TRAPPC9: variants seen among roughly 807,000 people sequenced by gnomAD.
TRAPPC9 encodes IKK2 binding protein.
A neutral mutation model predicts 124.0 loss-of-function variants in TRAPPC9; 83 were observed. The ratio of observed to expected loss-of-function variants is 0.67; its 90% CI spans 0.56 to 0.80. The LOEUF is 0.80. Among genes scored for constraint, TRAPPC9 ranks in the 30% least tolerant of loss-of-function variants. TRAPPC9 has a pLI of 0.00. For missense variants in TRAPPC9, 1,302 were observed against 1,508.3 expected, an observed-to-expected ratio of 0.86 and a Z score of 2.27; for synonymous variants, 638 against 617.5, an observed-to-expected ratio of 1.03 and a Z score of -0.49.
At chr8:140,437,789 T>C (rs904390588) in intron 3 of TRAPPC9, among the ~76,000 whole-genome samples, 3 of 152,118 alleles carry the variant, frequency 2.0e-5, no homozygotes, top group African/African-American at 7.2e-5. Flanking sequence ...TTTTAGTCCT[T>C]ACCCACACAA....
At chr8:139,792,917 G>C (rs1349982379) in intron 21 of TRAPPC9, among the ~76,000 whole-genome samples, 1 of 152,252 alleles carries the variant, frequency 6.6e-6, no homozygotes, top group Non-Finnish European at 1.5e-5. Flanking sequence ...GCCATCTTCT[G>C]TCAAGGGACG....
chr8:140,264,289 C>T (rs1046186930), intron 15 of TRAPPC9, among the ~76,000 whole-genome samples: 2 of 152,150 alleles, frequency 1.3e-5, no homozygotes, highest in African/African-American at 4.8e-5. Flanking sequence ...TCAGCGCTGC[C>T]TGTGGCCTCC....
intron 19 of TRAPPC9, among the ~76,000 whole-genome samples, chr8:139,940,105 T>C (rs1452860548): frequency 6.6e-6 from 1 of 152,260 alleles, no homozygotes; most frequent in African/African-American, 2.4e-5. Flanking sequence ...TCCCGTCGTT[T>C]GGTTGGAACA....
intron 11 of TRAPPC9, among the ~76,000 whole-genome samples, chr8:140,294,458 A>T (rs913780071): frequency 2.6e-5 from 4 of 152,216 alleles, no homozygotes; most frequent in Non-Finnish European, 5.9e-5. Flanking sequence ...GGCTTGCCCT[A>T]TCATGGTCAT....
intron 21 of TRAPPC9, among the ~76,000 whole-genome samples, chr8:139,874,554 G>T (rs1432036959): frequency 6.6e-6 from 1 of 152,230 alleles, no homozygotes; most frequent in Non-Finnish European, 1.5e-5. Flanking sequence ...ACAAGAACCT[G>T]AGTTAGAAGG....
intron 13 of TRAPPC9, among the ~76,000 whole-genome samples, chr8:140,285,132 T>A (rs561407326): frequency 6.6e-6 from 1 of 152,332 alleles, no homozygotes; most frequent in African/African-American, 2.4e-5. Context: ...GTCAGTCCTT[T>A]TGACCTTGTT....
intron 17 of TRAPPC9, chr8:140,098,719 G>A (rs74524750): frequency 6.6e-6 from 1 of 151,654 alleles, no homozygotes; most frequent in Non-Finnish European, 1.5e-5. Context: ...CGTCCGCAGA[G>A]GACGACACCA....
intron 21 of TRAPPC9, among the ~76,000 whole-genome samples, chr8:139,772,161 C>T (rs1821011534): frequency 6.6e-6 from 1 of 152,242 alleles, no homozygotes; most frequent in Non-Finnish European, 1.5e-5. Flanking sequence ...GATCATTAAG[C>T]CAAACGGCCC....
Position 139,788,082 on chromosome 8 carries a change from G to C in TRAPPC9, c.3056-55880C>G, listed in dbSNP as rs1446540366. Among the ~76,000 whole-genome samples, 1 of 152,170 alleles carries C rather than the reference G, an allele frequency of 6.6e-6. No individual in the cohort carries two copies. Among genetic ancestry groups the C allele is most frequent in the Non-Finnish European group, 1.5e-5 (1 of 68,040 alleles). ...GAACTAGGAACCCGAATTCCAACCAGGCTTCAGCCCAGAAGCCACTTCCCC... is the reference window on the plus strand; with the variant it reads ...GAACTAGGAACCCGAATTCCAACCACGCTTCAGCCCAGAAGCCACTTCCCC... On this transcript the variant is annotated intron_variant, in intron 21 of 22. Transcript: ENST00000438773. The surrounding 1 kb of genome is among the most constrained non-coding windows in gnomAD (Gnocchi z 4.9).
At chr8:139,830,962 G>A (rs1273256924) in intron 21 of TRAPPC9, among the ~76,000 whole-genome samples, 1 of 152,226 alleles carries the variant, frequency 6.6e-6, no homozygotes, top group African/African-American at 2.4e-5. Context: ...TGGCCGCGCT[G>A]ACTGACATTT....
intron 18 of TRAPPC9, among the ~76,000 whole-genome samples, chr8:140,001,645 T>A (rs1838409864): frequency 6.6e-6 from 1 of 152,096 alleles, no homozygotes; most frequent in South Asian, 2.1e-4. Context: ...GCCACAGACA[T>A]TAGAAGGACA....
At chr8:139,783,052 T>C (rs1821946294) in intron 21 of TRAPPC9, among the ~76,000 whole-genome samples, 1 of 152,122 alleles carries the variant, frequency 6.6e-6, no homozygotes, top group Non-Finnish European at 1.5e-5. Context: ...AAAGCAATGC[T>C]TACAAGGAAA....
intron 21 of TRAPPC9, among the ~76,000 whole-genome samples, chr8:139,816,894 A>G (rs555152142): frequency 1.3e-5 from 2 of 152,112 alleles, no homozygotes; most frequent in East Asian, 3.9e-4. Flanking sequence ...GCACAGTCTC[A>G]GCTTCATTTC....
intron 19 of TRAPPC9, among the ~76,000 whole-genome samples, chr8:139,969,283 G>A (rs553958245): frequency 9.8e-5 from 15 of 152,322 alleles, no homozygotes; most frequent in South Asian, 4.1e-4. Flanking sequence ...GGATGCCCCC[G>A]CCTCCTGTGC....
At chr8:139,968,671 C>T (rs190613902) in intron 19 of TRAPPC9, among the ~76,000 whole-genome samples, 28 of 152,310 alleles carry the variant, frequency 1.8e-4, no homozygotes, top group Admixed American at 7.8e-4. Flanking sequence ...ATAAGTGGAG[C>T]GACTACCACT....
At chr8:140,379,514 T>G (rs545156082) in intron 7 of TRAPPC9, among the ~76,000 whole-genome samples, 4 of 152,286 alleles carry the variant, frequency 2.6e-5, no homozygotes, top group African/African-American at 9.6e-5. Context: ...AGAGAATTAA[T>G]ATCAGCCCCA....
In TRAPPC9 at chr8:139,910,168, C is replaced by T; in HGVS notation, c.2943G>A (p.Lys981=). 3 of 1,613,950 alleles carry T rather than the reference C, an allele frequency of 1.9e-6. No individual in the cohort carries two copies. The highest frequency in any genetic ancestry group is 2.5e-6 in the Non-Finnish European group (3 of 1,179,998). Residue 981 remains lysine, a synonymous_variant, in exon 20 of 23, where the codon AAG becomes AAA. Transcript: ENST00000438773. ...REARGLEIHS[K]LGICWRIPSL... Reference sequence around the variant, plus strand: ...ATATGATTCTCCAGCAGATGCCCAGCTTGCTGTGGATCTCCAGGCCTCGGG... The same window carrying T: ...ATATGATTCTCCAGCAGATGCCCAGTTTGCTGTGGATCTCCAGGCCTCGGG...
chr8:140,307,572 C>G (rs1350772855), intron 10 of TRAPPC9, among the ~76,000 whole-genome samples: 1 of 152,216 alleles, frequency 6.6e-6, no homozygotes, highest in Non-Finnish European at 1.5e-5. Flanking sequence ...ATGGCATACA[C>G]TGTTGGCTGG....
At chr8:140,187,738 G>C (rs1047139495) in intron 17 of TRAPPC9, among the ~76,000 whole-genome samples, 1 of 151,972 alleles carries the variant, frequency 6.6e-6, no homozygotes, top group South Asian at 2.1e-4. Flanking sequence ...ACAGTGGCTC[G>C]ATCACAGCTC....
Sources: allele counts gnomAD v4.1 joint callset (sites outside exome capture counted in the v4.1 genomes callset), GRCh38; gene constraint gnomAD v4.1.1; non-coding constraint Gnocchi (gnomAD v3.1); transcripts MANE v1.5; gene names NCBI Gene and HGNC (gene_info 2026-07-23, HGNC 2026-07-21).